The following AACS variants were observed in gnomAD, a reference collection of about 807,000 sequenced individuals.
AACS encodes acetoacetyl-CoA synthetase.
AACS carries 69 observed loss-of-function variants against 83.1 expected under a neutral mutation model. The ratio of observed to expected loss-of-function variants is 0.83; its 90% confidence interval spans 0.68 to 1.01. The LOEUF (loss-of-function observed/expected upper bound fraction) is 1.01. AACS is among the 50% of genes least tolerant of loss of function. The pLI, the probability that AACS is intolerant of heterozygous loss-of-function variation, is 0.00. For synonymous variants in AACS, 333 were observed against 343.4 expected, an observed-to-expected ratio of 0.97 and a Z score of 0.33; for missense variants, 866 against 882.2, an observed-to-expected ratio of 0.98 and a Z score of 0.23.
At chr12:125,078,689 TGG>T (rs2136047606) in intron 3 of AACS, among the ~76,000 whole-genome samples, 1 of 151,940 alleles carries the variant, frequency 6.6e-6, no homozygotes, top group East Asian at 1.9e-4. Context: ...GGCGTGGTGG[TGG>T]GTGCCCATAA....
At chr12:125,105,974 C>T (rs912898376) in intron 7 of AACS, among the ~76,000 whole-genome samples, 3 of 152,210 alleles carry the variant, frequency 2.0e-5, no homozygotes, top group Admixed American at 1.3e-4. Context: ...CTGGAGCAGA[C>T]GGCTTTGTTT....
chr12:125,114,037 C>G (rs1430163161), intron 8 of AACS, among the ~76,000 whole-genome samples: 1 of 151,972 alleles, frequency 6.6e-6, no homozygotes, highest in Non-Finnish European at 1.5e-5. Flanking sequence ...TGCCCCACCC[C>G]CACCACATCC....
chr12:125,136,592 G>A, intron 16 of AACS, 70 bp from the exon 17 acceptor site: 1 of 1,364,286 alleles, frequency 7.3e-7, no homozygotes, highest in Non-Finnish European at 1.0e-6. Flanking sequence ...GCTCTGCCAG[G>A]TTGCTGTGAG....
At chr12:125,105,623 A>C (rs1189139470) in intron 7 of AACS, 1 of 152,208 alleles carries the variant, frequency 6.6e-6, no homozygotes, top group Non-Finnish European at 1.5e-5. Context: ...GAATCATGTT[A>C]GCCACTTCAT....
intron 6 of AACS, 25 bp from the exon 7 acceptor site, chr12:125,102,975 T>A: frequency 6.3e-7 from 1 of 1,593,244 alleles, no homozygotes; most frequent in Non-Finnish European, 8.5e-7. Flanking sequence ...TGTAACCTTG[T>A]GTTTTCTCCT....
Position 125,076,578 on chromosome 12 carries a change from A to G in AACS, c.325A>G (p.Lys109Glu), listed in dbSNP as rs986407802. 6 of 1,614,054 alleles carry G rather than the reference A, an allele frequency of 3.7e-6. No homozygotes were observed. The highest frequency in any genetic ancestry group is 4.2e-6 in the Non-Finnish European group (5 of 1,180,028). Reference protein sequence around the residue: ...LNYAENLLRHKENDRVALYIA... With the variant: ...LNYAENLLRHEENDRVALYIA... Reference sequence around the variant, plus strand: ...CTATGCAGAAAACCTCCTGCGGCACAAAGAGAATGACAGAGTTGCCCTTTA... The same window carrying G: ...CTATGCAGAAAACCTCCTGCGGCACGAAGAGAATGACAGAGTTGCCCTTTA... The change falls in exon 3 of 18, where the codon AAA becomes GAA. Residue 109 changes from lysine (K) to glutamate (E), a missense_variant. Lys to Glu is a moderately conservative substitution (Grantham distance 56, BLOSUM62 1). Coordinates refer to ENST00000316519, the MANE Select transcript of AACS (RefSeq NM_023928.5).
At position 125,096,797 on chromosome 12, in the gene AACS, C is replaced by T. The variant is rs148077709; in HGVS notation, c.570+5274C>T. ...TCCAGGAAGGGCAGGCACTTGCTCT[C>T]GGGGGGTGCATCTGGGCACTGAGAA... On this transcript the variant is annotated intron_variant, in intron 5 of 17. Transcript: ENST00000316519. Among the ~76,000 whole-genome samples, 757 of 151,970 alleles carry T rather than the reference C, an allele frequency of 5.0e-3. 1 individual carries two copies. The highest frequency in any genetic ancestry group is 0.02 in the Middle Eastern group (6 of 294).
chr12:125,103,443 A>G (rs534315769), intron 7 of AACS, among the ~76,000 whole-genome samples: 1 of 126,652 alleles, frequency 7.9e-6, no homozygotes, highest in Admixed American at 7.8e-5. Context: ...CTGCACACGC[A>G]TGCACACGAC....
intron 14 of AACS, among the ~76,000 whole-genome samples, chr12:125,132,298 T>C (rs1351761061): frequency 1.3e-5 from 2 of 152,234 alleles, no homozygotes; most frequent in Non-Finnish European, 2.9e-5. Flanking sequence ...CCTTTTTCTC[T>C]GCATTTCCGG....
intron 3 of AACS, among the ~76,000 whole-genome samples, chr12:125,076,917 G>A (rs1956038900): frequency 6.6e-6 from 1 of 152,132 alleles, no homozygotes; most frequent in South Asian, 2.1e-4. Context: ...TAAAGTTGAG[G>A]CTGGGTGCAG....
intron 7 of AACS, among the ~76,000 whole-genome samples, chr12:125,106,298 G>A (rs1414000999): frequency 6.6e-6 from 1 of 152,214 alleles, no homozygotes; most frequent in Non-Finnish European, 1.5e-5. Context: ...TGTGGCTTCT[G>A]CGGCTGTTTC....
At chr12:125,139,049 C>A (rs1054717953) in intron 17 of AACS, 2 of 152,238 alleles carry the variant, frequency 1.3e-5, no homozygotes, top group African/African-American at 2.4e-5. Flanking sequence ...CCCCTCACCA[C>A]CCCGAGAACA....
Position 125,076,611 on chromosome 12 carries a change from A to C in AACS, c.358A>C (p.Arg120=). Residue 120 remains arginine (R), a splice_region_variant and synonymous_variant, in exon 3 of 18, where the codon AGG becomes CGG. Coordinates refer to ENST00000316519, the MANE Select transcript of AACS (RefSeq NM_023928.5). ...ENDRVALYIA[R]EGKEEIVKVT... ...TGACAGAGTTGCCCTTTACATTGCAAGTAAGTCCTGATGGCGAGACCTGGG... is the reference window on the plus strand; with the variant it reads ...TGACAGAGTTGCCCTTTACATTGCACGTAAGTCCTGATGGCGAGACCTGGG... 6.2e-7 allele frequency: 1 copy of C among 1,614,004 alleles called. No individual in the cohort carries two copies. Among genetic ancestry groups the C allele is most frequent in the Non-Finnish European group, 8.5e-7 (1 of 1,179,930 alleles).
Position 125,082,342 on chromosome 12 carries a change from A to AT in AACS, c.359-3973dup, listed in dbSNP as rs746125500. Among the ~76,000 whole-genome samples the AT allele has an allele frequency of 1.7e-3, 225 of 131,694 alleles. 1 individual carries two copies. The highest frequency in any genetic ancestry group is 3.5e-3 in the African/African-American group (123 of 35,058). The allele number at this position is 131,694 out of a possible 152,430, so 86.4% of individuals were successfully genotyped here. A position where few individuals can be genotyped will look rare whatever the true frequency, so the allele number is the denominator to read the frequency against. On this transcript the variant is annotated intron_variant, in intron 3 of 17. Coordinates refer to ENST00000316519, the MANE Select transcript of AACS (RefSeq NM_023928.5). The stretch of plus-strand genomic sequence containing the variant: ...ATGTGCCACTGTGCCTGGCTATTTC[A>AT]TTTTTTTTTTTTTTTAAGAGATGGG...
chr12:125,098,284 G>C (rs12829554), intron 5 of AACS, among the ~76,000 whole-genome samples: 24,342 of 151,828 alleles, frequency 0.16, 2,366 homozygotes, highest in Middle Eastern at 0.28. Flanking sequence ...AAATAACTTA[G>C]CTGGGTGTGG....
chr12:125,090,358 C>T (rs1301104860), intron 4 of AACS, among the ~76,000 whole-genome samples: 5 of 83,676 alleles, frequency 6.0e-5, no homozygotes, highest in Admixed American at 1.3e-4. Flanking sequence ...CCCATTTATC[C>T]GTCATCCATC....
In AACS at chr12:125,066,800, G is replaced by T. The variant is rs116789283; in HGVS notation, c.133+1083G>T. Among the ~76,000 whole-genome samples the T allele has an allele frequency of 1.9e-3, 287 of 152,024 alleles. 2 individuals carry two copies. The highest frequency in any genetic ancestry group is 6.6e-3 in the African/African-American group (274 of 41,472). ...TCCCCTCCTCACCCCCTCCGCTGGC[G>T]CAGGGACTCCCTTGTTTCTGTTGGT... On this transcript the variant is annotated intron_variant, in intron 1 of 17. Coordinates refer to ENST00000316519, the MANE Select transcript of AACS (RefSeq NM_023928.5).
rs1182565195 is a variant in AACS, at chr12:125,124,939, G to T, written c.1224G>T (p.Leu408=). The change falls in exon 12 of 18, where the codon CTG becomes CTT. Residue 408 remains leucine (L), a synonymous_variant. Coordinates refer to ENST00000316519, the MANE Select transcript of AACS (RefSeq NM_023928.5). ...GTCTCCAGATGCTCCACACGATCCT[G>T]TCCACTGGCTCCCCACTGAAAGCCC... ...THSLQMLHTI[L]STGSPLKAQS... 2 of 1,614,072 alleles carry T rather than the reference G, an allele frequency of 1.2e-6. No individual in the cohort carries two copies. The highest frequency in any genetic ancestry group is 1.7e-6 in the Non-Finnish European group (2 of 1,180,044).
At chr12:125,133,028 A>G (rs1402841377) in intron 14 of AACS, among the ~76,000 whole-genome samples, 1 of 152,224 alleles carries the variant, frequency 6.6e-6, no homozygotes, top group Non-Finnish European at 1.5e-5. Flanking sequence ...CCCTTCCCGG[A>G]TCGCAGGAAA....
Sources: gnomAD v4.1 joint callset for allele counts (sites outside exome capture counted in the v4.1 genomes callset) on GRCh38, gnomAD v4.1.1 for gene constraint, MANE v1.5 for transcripts, NCBI Gene and HGNC (gene_info 2026-07-23, HGNC 2026-07-21) for gene names.